Variants in LRIG1 observed in about 807,000 individuals in gnomAD.
LRIG1 encodes the protein leucine rich repeats and immunoglobulin like domains 1.
A neutral mutation model predicts 99.2 loss-of-function variants in LRIG1; 48 were observed. The observed-to-expected ratio is 0.48, with a 90% CI of 0.38 to 0.62. The LOEUF (loss-of-function observed/expected upper bound fraction) is 0.62. Ranked by LOEUF, LRIG1 falls within the 20% of genes least tolerant of loss-of-function variation. LRIG1 has a pLI of 0.00. For synonymous variants in LRIG1, 772 were observed against 596.1 expected (o/e 1.29, Z -4.30); for missense variants, 1,646 against 1,434.4 (o/e 1.15, Z -2.38).
At chr3:66,451,943 G>A (rs1703916404) in intron 2 of LRIG1, among the ~76,000 whole-genome samples, 1 of 152,160 alleles carries the variant, frequency 6.6e-6, no homozygotes, top group Admixed American at 6.5e-5. Context: ...CCAAGAGGCA[G>A]GTTCGGGACA....
rs569990365 is a variant in LRIG1 at position 66,404,122 on chromosome 3, A to G, written c.1160+1076T>C. On this transcript the variant is annotated intron_variant, in intron 9 of 18. Transcript: ENST00000273261. Reference sequence around the variant, plus strand: ...AGGACGCTCAAGAAGTACCTTCTTCAGACAGCCAACAGAGCTTATTCCTAA... The same window carrying G: ...AGGACGCTCAAGAAGTACCTTCTTCGGACAGCCAACAGAGCTTATTCCTAA... The G allele has an allele frequency of 8.1e-5, 46 of 568,804 alleles. No homozygotes were observed. In the East Asian group the frequency reaches 8.1e-4, roughly 10 times the overall value. 35.2% of individuals were successfully genotyped at this position (568,804 alleles called of 1,614,324 possible).
In LRIG1 at chr3:66,417,266, C is replaced by T; in HGVS notation, c.366G>A (p.Leu122=). 6.2e-7 allele frequency: 1 copy of T among 1,612,956 alleles called. No individual in the cohort carries two copies. Among genetic ancestry groups the T allele is most frequent in the Non-Finnish European group, 8.5e-7 (1 of 1,179,168 alleles). ...CCACGCTGCGAATCTTGTTGTGCTGCCTGAAACACAACAAGGGAGGTGACT... is the reference window on the plus strand; with the variant it reads ...CCACGCTGCGAATCTTGTTGTGCTGTCTGAAACACAACAAGGGAGGTGACT... ...AASSHVVSLF[L]QHNKIRSVEG... The change falls in exon 4 of 19, where the codon CTG becomes CTA. Residue 122 remains leucine, a splice_region_variant and synonymous_variant. Transcript: ENST00000273261.
At chr3:66,429,316 A>G in intron 3 of LRIG1, among the ~76,000 whole-genome samples, 1 of 152,178 alleles carries the variant, frequency 6.6e-6, no homozygotes, top group East Asian at 1.9e-4. Flanking sequence ...GCTGGCCACC[A>G]CTGTTCTGTG....
At chr3:66,389,556 G>A (rs926038681) in intron 12 of LRIG1, among the ~76,000 whole-genome samples, 1 of 152,152 alleles carries the variant, frequency 6.6e-6, no homozygotes, top group Non-Finnish European at 1.5e-5. Context: ...TAGGCTTTAA[G>A]ACAGGAGTTT....
chr3:66,479,840 G>A (rs988018399), intron 1 of LRIG1, among the ~76,000 whole-genome samples: 1 of 152,226 alleles, frequency 6.6e-6, no homozygotes. Flanking sequence ...TTCATACCCT[G>A]CTGGTGGATG....
At chr3:66,449,710 C>A (rs944794675) in intron 3 of LRIG1, among the ~76,000 whole-genome samples, 1 of 152,194 alleles carries the variant, frequency 6.6e-6, no homozygotes, top group African/African-American at 2.4e-5. Flanking sequence ...TGTGTCTGGT[C>A]TCAGTTCCAC....
intron 12 of LRIG1, chr3:66,386,826 C>T (rs1273576510): frequency 6.5e-6 from 1 of 152,972 alleles, no homozygotes; most frequent in East Asian, 1.9e-4. Context: ...TTACAACAAT[C>T]CATGGATTGT....
Position 66,500,243 on chromosome 3 carries a change from A to G in LRIG1, c.165T>C (p.Gly55=). Residue 55 remains glycine (G), a synonymous_variant, in exon 1 of 19, where the codon GGT becomes GGC. Coordinates refer to ENST00000273261, the MANE Select transcript of LRIG1 (RefSeq NM_015541.3). ...CGGGCAACGCAGCCAGCCCGCGCCC[A>G]CCGCAGTCCAGCGAGTCCCCAGCGC... ...CTCAGDSLDC[G]GRGLAALPGD... The G allele has an allele frequency of 2.0e-6, 3 of 1,509,764 alleles. No homozygotes were observed. Among genetic ancestry groups the G allele is most frequent in the Non-Finnish European group, 2.6e-6 (3 of 1,135,956 alleles). 93.5% of individuals were successfully genotyped at this position (1,509,764 alleles called of 1,614,324 possible).
At chr3:66,437,533 C>T (rs1430835368) in intron 3 of LRIG1, among the ~76,000 whole-genome samples, 1 of 152,166 alleles carries the variant, frequency 6.6e-6, no homozygotes, top group Non-Finnish European at 1.5e-5. Flanking sequence ...CACCCCTCAG[C>T]AGGCCACTTC....
intron 1 of LRIG1, among the ~76,000 whole-genome samples, chr3:66,487,346 T>C (rs563821942): frequency 6.6e-6 from 1 of 151,568 alleles, no homozygotes; most frequent in Admixed American, 6.6e-5. Flanking sequence ...TCCTGATATT[T>C]AAATTCTAAA....
intron 7 of LRIG1, among the ~76,000 whole-genome samples, chr3:66,408,819 C>CA (rs1702364828): frequency 6.6e-6 from 1 of 152,056 alleles, no homozygotes; most frequent in Non-Finnish European, 1.5e-5. Flanking sequence ...AAAGGGTTAA[C>CA]ACTCACAGAA....
chr3:66,396,306 T>A (rs1701847564), intron 11 of LRIG1, among the ~76,000 whole-genome samples: 1 of 152,210 alleles, frequency 6.6e-6, no homozygotes, highest in Non-Finnish European at 1.5e-5. Flanking sequence ...CTGCCGCCCT[T>A]CTTCCACCCG....
rs1189345962 is a variant in LRIG1 at position 66,450,353 on chromosome 3, T to C, written c.365+1206A>G. 3.3e-5 allele frequency among the ~76,000 whole-genome samples: 5 copies of C among 152,268 alleles called. No individual in the cohort carries two copies. The South Asian group carries it at 1.0e-3, about 32-fold the overall frequency. On this transcript the variant is annotated intron_variant, in intron 3 of 18. Transcript: ENST00000273261. ...CTCCCACAGAATGCTGGGAGCTTCA[T>C]ATACATTCCACTCCCCCGGGCCTCA...
At chr3:66,418,844 G>C (rs78232398) in intron 3 of LRIG1, among the ~76,000 whole-genome samples, 7,872 of 151,926 alleles carry the variant, frequency 0.052, 306 homozygotes, top group South Asian at 0.15. Context: ...CCCTGAACTC[G>C]AAAGTCCATT....
At chr3:66,383,843 T>C in intron 14 of LRIG1, 148 bp downstream of exon 14, 1 of 1,133,412 alleles carries the variant, frequency 8.8e-7, no homozygotes. Flanking sequence ...TTAAGAAAAA[T>C]TAACTCAACT....
Position 66,381,371 on chromosome 3 carries a change from G to A in LRIG1, c.2770+108C>T. On this transcript the variant is annotated intron_variant, in intron 17 of 18. Transcript: ENST00000273261. ...CCTGTATATACTGAATACCAAATTT[G>A]GAGACAGCTGTGGACTAGGAATGTG... 7.2e-6 allele frequency: 8 copies of A among 1,115,546 alleles called. No homozygotes were observed. In the South Asian group the frequency reaches 9.1e-5, roughly 13 times the overall value. 69.1% of individuals were successfully genotyped at this position (1,115,546 alleles called of 1,614,324 possible). A position where few individuals can be genotyped will look rare whatever the true frequency, so the allele number is the denominator to read the frequency against.
At chr3:66,400,724 T>C (rs1702019454) in intron 9 of LRIG1, among the ~76,000 whole-genome samples, 1 of 152,108 alleles carries the variant, frequency 6.6e-6, no homozygotes, top group Admixed American at 6.5e-5. Context: ...AGCCCCTTCC[T>C]GAAAGGAGGA....
chr3:66,446,945 G>C (rs143941193), intron 3 of LRIG1, among the ~76,000 whole-genome samples: 4,707 of 151,600 alleles, frequency 0.031, 111 homozygotes, highest in Non-Finnish European at 0.049. Context: ...GGGTTTTTTG[G>C]GGGGCGGGGT....
At chr3:66,446,268 C>A (rs1224480791) in intron 3 of LRIG1, among the ~76,000 whole-genome samples, 3 of 152,096 alleles carry the variant, frequency 2.0e-5, no homozygotes, top group African/African-American at 7.2e-5. Flanking sequence ...TTCACTCACC[C>A]CCGGGGAAGG....
Sources: gnomAD v4.1 joint callset for allele counts (sites outside exome capture counted in the v4.1 genomes callset) on GRCh38, gnomAD v4.1.1 for gene constraint, MANE v1.5 for transcripts, NCBI Gene and HGNC (gene_info 2026-07-23, HGNC 2026-07-21) for gene names.